Variants in TRMT9B observed in about 807,000 individuals in gnomAD.
The protein encoded by TRMT9B is tRNA methyltransferase 9B (putative).
In TRMT9B, 16 loss-of-function variants were observed where a neutral mutation model predicts 11.5. That is an observed-to-expected ratio of 1.39 (90% CI 0.94 to 2.11). The LOEUF is 2.11. TRMT9B is among the 30% of genes most tolerant of loss of function. The pLI, the probability that TRMT9B is intolerant of heterozygous loss-of-function variation, is 0.00. For missense variants in TRMT9B, 941 were observed against 553.8 expected (o/e 1.70, Z -7.02); for synonymous variants, 274 against 192.4 (o/e 1.42, Z -3.51).
At chr8:13,016,296 T>C (rs1179451149) in intron 4 of TRMT9B, among the ~76,000 whole-genome samples, 4 of 144,212 alleles carry the variant, frequency 2.8e-5, no homozygotes, top group African/African-American at 1.0e-4. Flanking sequence ...TGTGTGTTTA[T>C]ATAACTAGAT....
chr8:12,955,121 G>C (rs568032659), intron 1 of TRMT9B, among the ~76,000 whole-genome samples: 53 of 152,288 alleles, frequency 3.5e-4, no homozygotes, highest in African/African-American at 1.3e-3. Flanking sequence ...CTGAATATTT[G>C]GGTCACTGGT....
At chr8:13,004,296 G>A (rs1357952017) in intron 2 of TRMT9B, among the ~76,000 whole-genome samples, 1 of 151,902 alleles carries the variant, frequency 6.6e-6, no homozygotes, top group Non-Finnish European at 1.5e-5. Flanking sequence ...CCGTGGACCA[G>A]GTGGGGAGGA....
At chr8:12,992,255 G>A (rs545760562) in intron 2 of TRMT9B, among the ~76,000 whole-genome samples, 34 of 152,260 alleles carry the variant, frequency 2.2e-4, no homozygotes, top group Admixed American at 8.5e-4. Context: ...CATCTCTGCC[G>A]TCCAAAAACT....
chr8:12,998,385 G>A (rs1418829972), intron 2 of TRMT9B, among the ~76,000 whole-genome samples: 1 of 152,206 alleles, frequency 6.6e-6, no homozygotes, highest in Non-Finnish European at 1.5e-5. Context: ...ATGTATGTCA[G>A]TATTTGGAGA....
At chr8:12,968,334 C>T (rs1384900437) in intron 1 of TRMT9B, among the ~76,000 whole-genome samples, 1 of 152,148 alleles carries the variant, frequency 6.6e-6, no homozygotes, top group African/African-American at 2.4e-5. Context: ...GGCAGATCTT[C>T]CTGGTTTCTG....
intron 1 of TRMT9B, among the ~76,000 whole-genome samples, chr8:12,982,117 G>T (rs1483842037): frequency 2.4e-4 from 36 of 152,068 alleles, no homozygotes; most frequent in Admixed American, 2.2e-3. Context: ...CCATGTCTTT[G>T]CCCTCAAGTA....
intron 4 of TRMT9B, among the ~76,000 whole-genome samples, chr8:13,020,213 G>A (rs1436344743): frequency 6.6e-6 from 1 of 152,112 alleles, no homozygotes; most frequent in African/African-American, 2.4e-5. Context: ...TTTCCTCACT[G>A]ATATATTGGT....
chr8:13,015,058 G>GAAATAAATAAAT (rs143449358), intron 4 of TRMT9B, among the ~76,000 whole-genome samples: 27 of 145,548 alleles, frequency 1.9e-4, no homozygotes, highest in East Asian at 8.2e-4. Context: ...GACTCCATCT[G>GAAATAAATAAAT]AAATAAATAA....
intron 1 of TRMT9B, among the ~76,000 whole-genome samples, chr8:12,968,941 G>GT (rs1803198180): frequency 6.6e-6 from 1 of 152,218 alleles, no homozygotes; most frequent in Non-Finnish European, 1.5e-5. Context: ...GCTGGGTGAG[G>GT]TGGCTCATGC....
rs1211416579 is a variant in TRMT9B, at chr8:13,021,256, C to G, written c.577C>G (p.Pro193Ala). ...YPERGHPYHP[P>A]CSECSCSVCF... ...AGAAAGAGGCCATCCCTACCATCCT[C>G]CTTGCTCTGAGTGTAGCTGTTCTGT... Residue 193 changes from proline (P) to alanine (A), a missense_variant, in exon 5 of 5, where the codon CCT becomes GCT. By Grantham distance (27) the Pro-to-Ala change is conservative. Transcript: ENST00000524591. The G allele has an allele frequency of 6.2e-7, 1 of 1,614,022 alleles. No individual in the cohort carries two copies. Among genetic ancestry groups the G allele is most frequent in the East Asian group, 2.2e-5 (1 of 44,874 alleles).
chr8:12,949,559 A>G (rs892042605), intron 1 of TRMT9B, among the ~76,000 whole-genome samples: 3 of 152,186 alleles, frequency 2.0e-5, no homozygotes, highest in African/African-American at 7.2e-5. Flanking sequence ...TGATGGCCTC[A>G]ACTAGAAAAA....
chr8:12,972,823 T>C (rs1435253849), intron 1 of TRMT9B, among the ~76,000 whole-genome samples: 1 of 152,100 alleles, frequency 6.6e-6, no homozygotes, highest in African/African-American at 2.4e-5. Flanking sequence ...TTTATTGTGG[T>C]AAAATATGCA....
rs112248064 is a variant in TRMT9B, at chr8:12,984,954, T to TACACAC, written c.-199-5851_-199-5846dup. ...CCTCTTACAACCACCTCCCTCAACATACACACACACACACACACACACACA... is the reference window on the plus strand; with the variant it reads ...CCTCTTACAACCACCTCCCTCAACATACACACACACACACACACACACACACACACA... On this transcript the variant is annotated intron_variant, in intron 1 of 4. Coordinates refer to ENST00000524591, the MANE Select transcript of TRMT9B (RefSeq NM_020844.3). Among the ~76,000 whole-genome samples, 636 of 136,508 alleles carry TACACAC rather than the reference T, an allele frequency of 4.7e-3. 5 individuals are homozygous for TACACAC. Among genetic ancestry groups the TACACAC allele is most frequent in the African/African-American group, 0.015 (492 of 32,210 alleles). 89.6% of individuals were successfully genotyped at this position (136,508 alleles called of 152,430 possible).
At chr8:12,982,751 G>A (rs1450221821) in intron 1 of TRMT9B, among the ~76,000 whole-genome samples, 1 of 152,030 alleles carries the variant, frequency 6.6e-6, no homozygotes. Context: ...AATCTGAAAT[G>A]CTCAAAAATT....
At chr8:12,948,678 A>AGGCCAGGCACGGTG (rs1800384541) in intron 1 of TRMT9B, among the ~76,000 whole-genome samples, 1 of 152,000 alleles carries the variant, frequency 6.6e-6, no homozygotes, top group East Asian at 1.9e-4. Context: ...AAAAAACAGA[A>AGGCCAGGCACGGTG]GGCCAGGCAC....
chr8:12,996,007 A>G (rs1309320387), intron 2 of TRMT9B, among the ~76,000 whole-genome samples: 1 of 152,214 alleles, frequency 6.6e-6, no homozygotes, highest in East Asian at 1.9e-4. Flanking sequence ...AACGAGTAAC[A>G]GTAACCATGA....
rs907153669 is a variant in TRMT9B at position 13,027,137 on chromosome 8, A to C, written c.*5093A>C. 6.0e-6 allele frequency: 1 copy of C among 167,038 alleles called. No individual in the cohort carries two copies. The highest frequency in any genetic ancestry group is 1.5e-5 in the Non-Finnish European group (1 of 68,110). The allele number at this position is 167,038 out of a possible 1,614,324, so 10.3% of individuals were successfully genotyped here. On this transcript the variant is annotated 3_prime_UTR_variant, in exon 5 of 5. Coordinates refer to ENST00000524591, the MANE Select transcript of TRMT9B (RefSeq NM_020844.3). The stretch of plus-strand genomic sequence containing the variant: ...GATATTTCATTCACTCCATTTGTTT[A>C]CTAAGCCCTGCTGTGTGCTGGATAC...
chr8:12,991,731 A>G (rs1243409304), intron 2 of TRMT9B, among the ~76,000 whole-genome samples: 1 of 152,064 alleles, frequency 6.6e-6, no homozygotes, highest in Non-Finnish European at 1.5e-5. Flanking sequence ...TCCGGAGTTC[A>G]AGACCAGCCT....
At chr8:12,960,047 A>C (rs1357963138) in intron 1 of TRMT9B, 1 of 152,218 alleles carries the variant, frequency 6.6e-6, no homozygotes, top group East Asian at 1.9e-4. Flanking sequence ...GGAGACATCA[A>C]ATTGCAACTC....
Sources: gnomAD v4.1 joint callset for allele counts (sites outside exome capture counted in the v4.1 genomes callset) on GRCh38, gnomAD v4.1.1 for gene constraint, MANE v1.5 for transcripts, NCBI Gene and HGNC (gene_info 2026-07-23, HGNC 2026-07-21) for gene names.